The following ZNF469 variants were observed in gnomAD, a reference collection of about 807,000 sequenced individuals.
The protein encoded by ZNF469 is zinc finger protein 469.
Under a neutral mutation model 1.0 loss-of-function variants are expected in ZNF469, and 1 was observed. That is an observed-to-expected ratio of 1.00 (90% CI 0.35 to 4.73). The LOEUF (loss-of-function observed/expected upper bound fraction) is 4.73, where lower values mean the gene tolerates loss of function less well. Ranked by LOEUF, ZNF469 falls within the 30% of genes most tolerant of loss-of-function variation. ZNF469 has a pLI of 0.16. For missense variants in ZNF469, 6,100 were observed against 5,356.3 expected (o/e 1.14, Z -4.33); for synonymous variants, 2,703 against 2,363.4 (o/e 1.14, Z -4.17).
In ZNF469 at chr16:88,432,792, A is replaced by AGCTCT; in HGVS notation, c.5323_5324insCTCTG (p.Gly1775AlafsTer93). ...GGCTGCTTCCCTGTGAACAGAGAGG[A>AGCTCT]GGGTTCCTCCCAGAGCCCGGCACAG... On this transcript the variant is annotated frameshift_variant, in exon 3 of 3. Transcript: ENST00000565624. LOFTEE classifies it low-confidence loss of function (END_TRUNC). 6.5e-7 allele frequency: 1 copy of AGCTCT among 1,550,354 alleles called. No individual in the cohort carries two copies. The highest frequency in any genetic ancestry group is 8.7e-7 in the Non-Finnish European group (1 of 1,146,974).
upstream of ZNF469, among the ~76,000 whole-genome samples, chr16:88,379,630 C>T (rs2092516145): frequency 6.6e-6 from 1 of 152,174 alleles, no homozygotes. Flanking sequence ...GATTCCTGTG[C>T]ACTGGGGAGG....
At chr16:88,380,959 CACAG>C (rs2092521484), upstream of ZNF469, among the ~76,000 whole-genome samples, 1 of 148,790 alleles carries the variant, frequency 6.7e-6, no homozygotes, top group South Asian at 2.2e-4. Flanking sequence ...CGCCCTCACA[CACAG>C]ACATGCACTC....
At chr16:88,192,839 CAAT>C in the ZNF469 span, among the ~76,000 whole-genome samples, 43 of 28,880 alleles carry the variant, frequency 1.5e-3, no homozygotes, top group Admixed American at 2.4e-3. Flanking sequence ...GTGGTGATGA[CAAT>C]GATGATAATG....
At position 88,428,215 on chromosome 16, in the gene ZNF469, G is replaced by A. The variant is rs1163683032; in HGVS notation, c.745G>A (p.Gly249Arg). Residue 249 changes from glycine to arginine, a missense_variant, in exon 3 of 3, where the codon GGG (glycine) becomes AGG (arginine). Coordinates refer to ENST00000565624, the MANE Select transcript of ZNF469 (RefSeq NM_001367624.2). ...AENSFPGANF[G>R]VPPAEPEPIP... ...GAATAGCTTCCCAGGTGCTAATTTC[G>A]GGGTTCCCCCCGCCGAGCCGGAACC... 43 of 1,550,154 alleles carry A rather than the reference G, an allele frequency of 2.8e-5. No homozygotes were observed. In the Admixed American group the frequency reaches 5.7e-4, roughly 21 times the overall value.
the ZNF469 span, among the ~76,000 whole-genome samples, chr16:88,203,007 GCT>G: frequency 6.6e-6 from 1 of 152,214 alleles, no homozygotes; most frequent in Non-Finnish European, 1.5e-5. Flanking sequence ...CAGGTACAGT[GCT>G]CAGTCACAAC....
the ZNF469 span, among the ~76,000 whole-genome samples, chr16:88,106,062 G>A: frequency 1.3e-5 from 2 of 152,232 alleles, no homozygotes; most frequent in Non-Finnish European, 2.9e-5. Context: ...GAGTAGCAGA[G>A]GATTTAAAAA....
At chr16:88,160,870 C>T in the ZNF469 span, among the ~76,000 whole-genome samples, 5 of 152,316 alleles carry the variant, frequency 3.3e-5, no homozygotes, top group South Asian at 2.1e-4. Flanking sequence ...AGGCCAGGTG[C>T]GATGGCTCAC....
rs1905999862 is a variant in ZNF469 at position 88,429,774 on chromosome 16, A to T, written c.2304A>T (p.Pro768=). Residue 768 remains proline (P), a synonymous_variant, in exon 3 of 3, where the codon CCA becomes CCT. Transcript: ENST00000565624. ...CCAAGGATGGCCACCAGCGGTCTCC[A>T]GGCCCCCCTGGGCTCCCCTCGCCCC... The part of the protein sequence containing the change: ...ARAKDGHQRS[P]GPPGLPSPPA... 6.5e-7 allele frequency: 1 copy of T among 1,544,810 alleles called. No homozygotes were observed. Among genetic ancestry groups the T allele is most frequent in the African/African-American group, 1.4e-5 (1 of 73,062 alleles).
At chr16:88,207,964 TTAA>T in the ZNF469 span, among the ~76,000 whole-genome samples, 1 of 152,228 alleles carries the variant, frequency 6.6e-6, no homozygotes. Context: ...CCTGCCAGAC[TTAA>T]TAAGTATTTT....
At chr16:88,246,519 C>T in the ZNF469 span, among the ~76,000 whole-genome samples, 12 of 152,308 alleles carry the variant, frequency 7.9e-5, no homozygotes, top group African/African-American at 2.4e-4. Context: ...TTGGCACACT[C>T]GTTCTCACAC....
the ZNF469 span, among the ~76,000 whole-genome samples, chr16:88,311,346 A>G: frequency 6.6e-6 from 1 of 152,196 alleles, no homozygotes; most frequent in African/African-American, 2.4e-5. Flanking sequence ...GGAGCTCGAC[A>G]GGCTTTTTAT....
chr16:88,361,684 A>C, the ZNF469 span, among the ~76,000 whole-genome samples: 1 of 151,032 alleles, frequency 6.6e-6, no homozygotes, highest in Admixed American at 6.6e-5. Flanking sequence ...GTGACTTTTC[A>C]TGAGCACTGG....
chr16:88,283,521 G>A, the ZNF469 span, among the ~76,000 whole-genome samples: 1 of 152,254 alleles, frequency 6.6e-6, no homozygotes, highest in East Asian at 1.9e-4. Flanking sequence ...CTGGATGTGT[G>A]CTACGCCATT....
the ZNF469 span, among the ~76,000 whole-genome samples, chr16:88,153,476 G>A: frequency 2.0e-5 from 3 of 152,234 alleles, no homozygotes; most frequent in Non-Finnish European, 4.4e-5. Flanking sequence ...TTTACCCATT[G>A]CCCTGAGGAT....
the ZNF469 span, among the ~76,000 whole-genome samples, chr16:88,145,803 C>T: frequency 5.3e-5 from 8 of 152,212 alleles, no homozygotes; most frequent in East Asian, 3.9e-4. Flanking sequence ...GGGAGATGGA[C>T]GGGCTCCCCC....
Position 88,399,418 on chromosome 16 carries a change from CAG to C in ZNF469, c.-192+16165_-192+16166del, listed in dbSNP as rs539467616. 2.2e-3 allele frequency among the ~76,000 whole-genome samples: 338 copies of C among 152,274 alleles called. 1 individual carries two copies. Among genetic ancestry groups the C allele is most frequent in the South Asian group, 0.013 (61 of 4,818 alleles). On this transcript the variant is annotated intron_variant, in intron 1 of 2. Transcript: ENST00000565624. ...GCCCAGAGTCACAGCTACAAGATGA[CAG>C]TGTTGGAATTTAAACTGGGCCTGTG...
At chr16:88,376,498 C>T in the ZNF469 span, among the ~76,000 whole-genome samples, 3 of 152,252 alleles carry the variant, frequency 2.0e-5, no homozygotes, top group South Asian at 2.1e-4. Flanking sequence ...GTGCCTCCTC[C>T]GGGGCCCTCG....
At chr16:88,321,100 G>C in the ZNF469 span, among the ~76,000 whole-genome samples, 1 of 152,244 alleles carries the variant, frequency 6.6e-6, no homozygotes. Context: ...CCAGGCTGCA[G>C]AGCGGCCCAG....
intron 1 of ZNF469, among the ~76,000 whole-genome samples, chr16:88,420,694 C>CT (rs1362948962): frequency 2.6e-5 from 4 of 152,232 alleles, no homozygotes; most frequent in African/African-American, 4.8e-5. Context: ...CAAACGTCTG[C>CT]TAGGCACTCA....
Sources: gnomAD v4.1 joint callset for allele counts (sites outside exome capture counted in the v4.1 genomes callset) on GRCh38, gnomAD v4.1.1 for gene constraint, MANE v1.5 for transcripts, NCBI Gene and HGNC (gene_info 2026-07-23, HGNC 2026-07-21) for gene names.